C1QTNF3: variants seen among roughly 807,000 people sequenced by gnomAD.
The protein encoded by C1QTNF3 is complement C1q tumor necrosis factor-related protein 3.
A neutral mutation model predicts 32.6 loss-of-function variants in C1QTNF3; 26 were observed. That is an observed-to-expected ratio of 0.80 (90% CI 0.58 to 1.11). C1QTNF3 has a LOEUF of 1.11. C1QTNF3 is among the 50% of genes least tolerant of loss of function. C1QTNF3 has a pLI of 0.00. For missense variants in C1QTNF3, 362 were observed against 398.2 expected, an observed-to-expected ratio of 0.91 and a Z score of 0.77; for synonymous variants, 155 against 146.0, an observed-to-expected ratio of 1.06 and a Z score of -0.44.
chr5:34,121,435 C>T, the C1QTNF3 span, among the ~76,000 whole-genome samples: 1 of 152,094 alleles, frequency 6.6e-6, no homozygotes, highest in Non-Finnish European at 1.5e-5. Context: ...AAAGGCACTT[C>T]TTACATGGCG....
the C1QTNF3 span, among the ~76,000 whole-genome samples, chr5:34,115,239 A>G: frequency 6.6e-6 from 1 of 152,206 alleles, no homozygotes; most frequent in African/African-American, 2.4e-5. Context: ...AGCAATCTAA[A>G]TGAGTATTAG....
At chr5:34,231,559 T>G in the C1QTNF3 span, among the ~76,000 whole-genome samples, 9 of 152,218 alleles carry the variant, frequency 5.9e-5, no homozygotes, top group Admixed American at 2.0e-4. Context: ...TGTGTATTTG[T>G]ATCTGTGTAT....
the C1QTNF3 span, among the ~76,000 whole-genome samples, chr5:34,154,986 T>C: frequency 6.6e-5 from 10 of 152,318 alleles, no homozygotes; most frequent in Admixed American, 5.2e-4. Flanking sequence ...TCCTAACACA[T>C]TGCTATGGTC....
At chr5:34,048,274 A>ATG in the C1QTNF3 span, among the ~76,000 whole-genome samples, 936 of 128,320 alleles carry the variant, frequency 7.3e-3, 10 homozygotes, top group South Asian at 0.052. Context: ...GTGTGTGTGT[A>ATG]TGTGTGTGTG....
the C1QTNF3 span, among the ~76,000 whole-genome samples, chr5:34,227,978 CTTT>C: frequency 1.5e-5 from 2 of 137,568 alleles, no homozygotes; most frequent in Non-Finnish European, 1.6e-5. Context: ...GGAGAAAATC[CTTT>C]TTTTTTTTTT....
At chr5:34,177,646 C>G in the C1QTNF3 span, among the ~76,000 whole-genome samples, 1 of 151,942 alleles carries the variant, frequency 6.6e-6, no homozygotes, top group East Asian at 1.9e-4. Context: ...GCCACCACAC[C>G]CAGCTAATTT....
the C1QTNF3 span, among the ~76,000 whole-genome samples, chr5:34,141,177 T>G: frequency 6.6e-6 from 1 of 152,124 alleles, no homozygotes. Flanking sequence ...TGGAGTGCAG[T>G]GGCGCAATCT....
At chr5:34,221,521 T>A in the C1QTNF3 span, among the ~76,000 whole-genome samples, 2 of 152,102 alleles carry the variant, frequency 1.3e-5, no homozygotes, top group Non-Finnish European at 2.9e-5. Context: ...ATTAGCTGTC[T>A]GCCAGTCTGA....
chr5:34,054,387 T>C, the C1QTNF3 span, among the ~76,000 whole-genome samples: 98 of 152,300 alleles, frequency 6.4e-4, no homozygotes, highest in African/African-American at 2.3e-3. Flanking sequence ...CAGGGGCCAG[T>C]AGACTTTTCT....
the C1QTNF3 span, among the ~76,000 whole-genome samples, chr5:34,240,253 C>T: frequency 5.0e-3 from 751 of 149,890 alleles, 2 homozygotes; most frequent in Non-Finnish European, 7.6e-3. Flanking sequence ...CCTACATCAA[C>T]GCTAGGAATG....
the C1QTNF3 span, among the ~76,000 whole-genome samples, chr5:34,208,471 G>A: frequency 6.6e-6 from 1 of 151,710 alleles, no homozygotes; most frequent in Non-Finnish European, 1.5e-5. Flanking sequence ...CCAGATGCCA[G>A]TAGCACACCC....
the C1QTNF3 span, among the ~76,000 whole-genome samples, chr5:34,134,736 T>G: frequency 6.6e-6 from 1 of 152,148 alleles, no homozygotes; most frequent in Non-Finnish European, 1.5e-5. Context: ...CTGTTATTGG[T>G]GTATAGGAAT....
the C1QTNF3 span, among the ~76,000 whole-genome samples, chr5:34,183,481 C>T: frequency 2.0e-5 from 3 of 146,920 alleles, no homozygotes; most frequent in African/African-American, 7.4e-5. Flanking sequence ...CAGGAATGCA[C>T]CACCATGCCC....
the C1QTNF3 span, among the ~76,000 whole-genome samples, chr5:34,130,057 T>C: frequency 2.0e-5 from 3 of 152,108 alleles, no homozygotes; most frequent in Non-Finnish European, 2.9e-5. Flanking sequence ...TGGGAGTTCA[T>C]ATGTTTGGAC....
intron 5 of C1QTNF3, among the ~76,000 whole-genome samples, chr5:34,021,738 G>A (rs942968731): frequency 6.6e-6 from 1 of 152,160 alleles, no homozygotes; most frequent in African/African-American, 2.4e-5. Context: ...CACATGGAGG[G>A]GAACATCACA....
the C1QTNF3 span, among the ~76,000 whole-genome samples, chr5:34,173,213 T>C: frequency 1.3e-5 from 2 of 152,154 alleles, no homozygotes; most frequent in Admixed American, 6.5e-5. Context: ...GATTTCCGCA[T>C]GTATGAATTT....
At position 34,018,829 on chromosome 5, in the gene C1QTNF3, A is replaced by AAGATTT. The variant is rs1754256786; in HGVS notation, c.*1748_*1753dup. Among the ~76,000 whole-genome samples the AAGATTT allele has an allele frequency of 6.6e-6, 1 of 152,204 alleles. No homozygotes were observed. The highest frequency in any genetic ancestry group is 6.5e-5 in the Admixed American group (1 of 15,276). On this transcript the variant is annotated 3_prime_UTR_variant, in exon 6 of 6. Transcript: ENST00000382065. ...AGTGCTTCGTTTGCAGAGTTGTTTTAAGATTTAGAATTTGCGGCTGGGTGC... is the reference window on the plus strand; with the variant it reads ...AGTGCTTCGTTTGCAGAGTTGTTTTAAGATTTAGATTTAGAATTTGCGGCTGGGTGC...
the C1QTNF3 span, among the ~76,000 whole-genome samples, chr5:34,148,074 C>T: frequency 6.6e-6 from 1 of 151,556 alleles, no homozygotes; most frequent in African/African-American, 2.4e-5. Context: ...GTTCCCTTTC[C>T]GAGTCAAAGA....
chr5:34,129,067 G>A, the C1QTNF3 span, among the ~76,000 whole-genome samples: 53 of 152,056 alleles, frequency 3.5e-4, no homozygotes, highest in Non-Finnish European at 5.1e-4. Context: ...CCCCTTTTCT[G>A]TTCTTGTGAT....
Sources: allele counts gnomAD v4.1 joint callset (sites outside exome capture counted in the v4.1 genomes callset), GRCh38; gene constraint gnomAD v4.1.1; transcripts MANE v1.5; gene names NCBI Gene and HGNC (gene_info 2026-07-23, HGNC 2026-07-21).